The following KLHL1 variants were observed in gnomAD, a reference collection of about 807,000 sequenced individuals.
KLHL1 encodes kelch like family member 1, also known as kelch-like protein 1.
A neutral mutation model predicts 77.7 loss-of-function variants in KLHL1; 47 were observed. The observed-to-expected ratio is 0.60, with a 90% CI of 0.48 to 0.77. KLHL1 has a LOEUF of 0.77. Ranked by LOEUF, KLHL1 falls within the 30% of genes least tolerant of loss-of-function variation. KLHL1 has a pLI of 0.00. For synonymous variants in KLHL1, 360 were observed against 325.2 expected, an observed-to-expected ratio of 1.11 and a Z score of -1.15; for missense variants, 925 against 910.8, an observed-to-expected ratio of 1.02 and a Z score of -0.20.
intron 4 of KLHL1, among the ~76,000 whole-genome samples, chr13:69,932,013 A>G (rs1002032558): frequency 6.6e-6 from 1 of 151,782 alleles, no homozygotes; most frequent in Non-Finnish European, 1.5e-5. Flanking sequence ...AATTACTTAT[A>G]TTCATATTTA....
chr13:69,719,049 G>C (rs1003344477), intron 9 of KLHL1, among the ~76,000 whole-genome samples: 1 of 151,986 alleles, frequency 6.6e-6, no homozygotes, highest in African/African-American at 2.4e-5. Flanking sequence ...ATTTTAATGT[G>C]TGTTTTAAAA....
intron 1 of KLHL1, among the ~76,000 whole-genome samples, chr13:70,019,233 G>A (rs902427618): frequency 3.9e-5 from 6 of 152,146 alleles, no homozygotes; most frequent in African/African-American, 1.4e-4. Context: ...GTCCAAAGAA[G>A]AGAACAAATG....
At chr13:69,895,749 A>G (rs955974922) in intron 4 of KLHL1, among the ~76,000 whole-genome samples, 8 of 149,716 alleles carry the variant, frequency 5.3e-5, no homozygotes, top group South Asian at 2.1e-4. Context: ...CTGTCGCCCA[A>G]GTTGAAGTTT....
intron 3 of KLHL1, among the ~76,000 whole-genome samples, chr13:69,941,022 A>T (rs1183110719): frequency 4.6e-5 from 7 of 151,952 alleles, no homozygotes; most frequent in Non-Finnish European, 1.0e-4. Context: ...GAGTTTTACA[A>T]GTTGTATAAC....
In KLHL1 at chr13:69,971,778, T is replaced by TTCAGTTTTCA. The variant is rs1200723282; in HGVS notation, c.680+3841_680+3842insTGAAAACTGA. Among the ~76,000 whole-genome samples, 5 of 152,088 alleles carry TTCAGTTTTCA rather than the reference T, an allele frequency of 3.3e-5. No homozygotes were observed. In the East Asian group the frequency reaches 9.6e-4, roughly 29 times the overall value. On this transcript the variant is annotated intron_variant, in intron 2 of 10. Coordinates refer to ENST00000377844, the MANE Select transcript of KLHL1 (RefSeq NM_020866.3). The stretch of plus-strand genomic sequence containing the variant: ...TGGTTTATCTTTAATTCCTCAAGTA[T>TTCAGTTTTCA]ATTGAAAACTCTACAAGGAAAAACA...
intron 10 of KLHL1, among the ~76,000 whole-genome samples, chr13:69,704,763 C>A (rs944655668): frequency 6.6e-5 from 10 of 151,700 alleles, no homozygotes; most frequent in African/African-American, 2.4e-4. Context: ...TGCCTTTGTT[C>A]TCCCTCCAGG....
At chr13:70,012,415 C>T (rs1038936260) in intron 1 of KLHL1, among the ~76,000 whole-genome samples, 3 of 151,896 alleles carry the variant, frequency 2.0e-5, no homozygotes, top group Non-Finnish European at 2.9e-5. Flanking sequence ...ATTTTATTGA[C>T]ACAAATTTAA....
chr13:69,863,964 T>C (rs890339996), intron 5 of KLHL1, among the ~76,000 whole-genome samples: 1 of 152,038 alleles, frequency 6.6e-6, no homozygotes, highest in African/African-American at 2.4e-5. Flanking sequence ...AATAATATGT[T>C]GAAAAGCTCA....
In KLHL1 at chr13:70,014,807, G is replaced by A. The variant is rs183162764; in HGVS notation, c.498-39005C>T. 1.1e-3 allele frequency among the ~76,000 whole-genome samples: 169 copies of A among 152,142 alleles called. 1 individual carries two copies. Among genetic ancestry groups the A allele is most frequent in the Middle Eastern group, 0.01 (3 of 294 alleles). On this transcript the variant is annotated intron_variant, in intron 1 of 10. Coordinates refer to ENST00000377844, the MANE Select transcript of KLHL1 (RefSeq NM_020866.3). ...AGTAGACTTAAACAGATAAACAGAC[G>A]CTTGCTTTTGTGGGAAAAACATTCT...
intron 1 of KLHL1, among the ~76,000 whole-genome samples, chr13:69,979,132 A>C (rs1884632996): frequency 6.6e-6 from 1 of 151,598 alleles, no homozygotes; most frequent in Non-Finnish European, 1.5e-5. Context: ...ATTTGAAAGA[A>C]TGGGATTAAA....
intron 7 of KLHL1, among the ~76,000 whole-genome samples, chr13:69,741,418 A>G (rs1270115720): frequency 6.6e-6 from 1 of 152,154 alleles, no homozygotes; most frequent in African/African-American, 2.4e-5. Flanking sequence ...GTTTTACCCT[A>G]TTACCAAGCT....
chr13:69,935,284 G>GTTCACCTACTGGTGAACTTGGTC (rs1376755738), intron 4 of KLHL1, among the ~76,000 whole-genome samples: 65 of 151,768 alleles, frequency 4.3e-4, no homozygotes, highest in African/African-American at 1.5e-3. Flanking sequence ...TTGGTACATA[G>GTTCACCTACTGGTGAACTTGGTC]CAGTCAATAG....
intron 1 of KLHL1, among the ~76,000 whole-genome samples, chr13:70,004,655 T>C (rs1885366222): frequency 6.6e-6 from 1 of 151,978 alleles, no homozygotes; most frequent in South Asian, 2.1e-4. Context: ...TATTTTAAAG[T>C]TGTCTGATAA....
intron 3 of KLHL1, among the ~76,000 whole-genome samples, chr13:69,943,984 C>T (rs1164752602): frequency 6.6e-6 from 1 of 152,136 alleles, no homozygotes; most frequent in Non-Finnish European, 1.5e-5. Context: ...AACTATTTCT[C>T]TCAATATAAT....
intron 1 of KLHL1, among the ~76,000 whole-genome samples, chr13:70,024,644 C>CTT (rs1885894597): frequency 6.7e-6 from 1 of 149,136 alleles, no homozygotes; most frequent in South Asian, 2.2e-4. Context: ...CTCTCTCTCT[C>CTT]TCTCTCTCTC....
chr13:69,954,894 T>C (rs1291807194), intron 3 of KLHL1, among the ~76,000 whole-genome samples: 1 of 151,080 alleles, frequency 6.6e-6, no homozygotes, highest in Non-Finnish European at 1.5e-5. Flanking sequence ...TTAATTGTGA[T>C]ATAAAAATTA....
At chr13:69,722,658 C>A (rs1321127975) in intron 8 of KLHL1, among the ~76,000 whole-genome samples, 1 of 151,780 alleles carries the variant, frequency 6.6e-6, no homozygotes, top group African/African-American at 2.4e-5. Context: ...ATAATAAATG[C>A]TGATGAGGAT....
rs987879645 is a variant in KLHL1, at chr13:69,703,630, AG to A, written c.2188-1870del. 3.5e-4 allele frequency among the ~76,000 whole-genome samples: 53 copies of A among 151,766 alleles called. 1 individual carries two copies. Among genetic ancestry groups the A allele is most frequent in the Admixed American group, 2.8e-3 (43 of 15,182 alleles). On this transcript the variant is annotated intron_variant, in intron 10 of 10. Transcript: ENST00000377844. ...CACTGACTCACCCAGGGCAATTTCTAGTCCTGCAAGCTTCATTCAGGTTAAA... is the reference window on the plus strand; with the variant it reads ...CACTGACTCACCCAGGGCAATTTCTATCCTGCAAGCTTCATTCAGGTTAAA...
chr13:69,952,449 T>G (rs539240697), intron 3 of KLHL1, among the ~76,000 whole-genome samples: 2 of 151,474 alleles, frequency 1.3e-5, no homozygotes, highest in African/African-American at 4.8e-5. Flanking sequence ...TCACCACACC[T>G]AAACATTCCT....
Sources: gnomAD v4.1 joint callset for allele counts (sites outside exome capture counted in the v4.1 genomes callset) on GRCh38, gnomAD v4.1.1 for gene constraint, MANE v1.5 for transcripts, NCBI Gene and HGNC (gene_info 2026-07-23, HGNC 2026-07-21) for gene names.